Variants in FAM83B observed in about 807,000 individuals in gnomAD.
The protein encoded by FAM83B is protein FAM83B.
A neutral mutation model predicts 38.8 loss-of-function variants in FAM83B; 26 were observed. That is an observed-to-expected ratio of 0.67 (90% CI 0.49 to 0.93). FAM83B has a LOEUF of 0.93. FAM83B is among the 40% of genes least tolerant of loss of function. The pLI is 0.00. For missense variants in FAM83B, 1,237 were observed against 1,197.3 expected (o/e 1.03, Z -0.49); for synonymous variants, 419 against 423.1 (o/e 0.99, Z 0.12).
chr6:54,854,050 A>C (rs1320468500), intron 1 of FAM83B, among the ~76,000 whole-genome samples: 1 of 152,214 alleles, frequency 6.6e-6, no homozygotes, highest in Admixed American at 6.5e-5. Flanking sequence ...TATGGTGGAA[A>C]TAGCAAGGGA....
chr6:54,875,369 G>T lies in FAM83B; in HGVS notation c.444+4679G>T, dbSNP rs565373747. 2.0e-5 allele frequency among the ~76,000 whole-genome samples: 3 copies of T among 152,186 alleles called. No homozygotes were observed. In the South Asian group the frequency reaches 6.2e-4, roughly 32 times the overall value. ...TCTGTGCCTTCATTAGACTAGAATG[G>T]TCTCTGTCCTGATGTTCCTAATTTT... On this transcript the variant is annotated intron_variant, in intron 2 of 4. Transcript: ENST00000306858.
chr6:54,890,610 A>G (rs755204539), intron 2 of FAM83B, among the ~76,000 whole-genome samples: 5 of 152,006 alleles, frequency 3.3e-5, no homozygotes, highest in Non-Finnish European at 5.9e-5. Flanking sequence ...ACACATGTGA[A>G]ATATCTCAAC....
At chr6:54,898,366 A>T (rs1296205686) in intron 2 of FAM83B, among the ~76,000 whole-genome samples, 1 of 152,178 alleles carries the variant, frequency 6.6e-6, no homozygotes, top group Non-Finnish European at 1.5e-5. Flanking sequence ...AGTGTGAAGC[A>T]GGGTTGGGTC....
intron 1 of FAM83B, among the ~76,000 whole-genome samples, chr6:54,861,714 A>G (rs1771587761): frequency 6.6e-6 from 1 of 152,174 alleles, no homozygotes; most frequent in African/African-American, 2.4e-5. Context: ...GTTTCCAGAC[A>G]GAAAGGTCCA....
chr6:54,847,182 C>T (rs1427313107), intron 1 of FAM83B, among the ~76,000 whole-genome samples: 1 of 150,906 alleles, frequency 6.6e-6, no homozygotes, highest in African/African-American at 2.5e-5. Context: ...TGTAGGAGTG[C>T]GCCGAGGACC....
At chr6:54,868,673 C>T (rs577258921) in intron 1 of FAM83B, among the ~76,000 whole-genome samples, 12 of 152,096 alleles carry the variant, frequency 7.9e-5, no homozygotes, top group Non-Finnish European at 1.3e-4. Context: ...CAGATGCTGC[C>T]ATCCCCAAAG....
At chr6:54,889,435 A>G (rs889800392) in intron 2 of FAM83B, among the ~76,000 whole-genome samples, 1 of 152,080 alleles carries the variant, frequency 6.6e-6, no homozygotes, top group Admixed American at 6.6e-5. Flanking sequence ...CCTGTGTTTA[A>G]AATAACACTA....
intron 1 of FAM83B, among the ~76,000 whole-genome samples, chr6:54,869,810 T>C (rs572208658): frequency 1.3e-5 from 2 of 152,336 alleles, no homozygotes; most frequent in Admixed American, 6.5e-5. Flanking sequence ...CTCAACTAAT[T>C]AATAAATTCC....
intron 2 of FAM83B, among the ~76,000 whole-genome samples, chr6:54,910,937 A>C (rs952641637): frequency 2.0e-5 from 3 of 152,184 alleles, no homozygotes; most frequent in African/African-American, 2.4e-5. Context: ...TACTATAATG[A>C]TAAACATGCA....
chr6:54,873,023 T>A (rs10948867), intron 2 of FAM83B, among the ~76,000 whole-genome samples: 62,882 of 150,294 alleles, frequency 0.42, 14,200 homozygotes, highest in Non-Finnish European at 0.51. Context: ...TATTTTATTT[T>A]TTTTATTTTT....
In FAM83B at chr6:54,916,124, C is replaced by A. The variant is rs574072122; in HGVS notation, c.445-10247C>A. Among the ~76,000 whole-genome samples the A allele has an allele frequency of 3.3e-5, 5 of 152,254 alleles. No individual in the cohort carries two copies. The East Asian group carries it at 9.7e-4, about 29-fold the overall frequency. On this transcript the variant is annotated intron_variant, in intron 2 of 4. Coordinates refer to ENST00000306858, the MANE Select transcript of FAM83B (RefSeq NM_001010872.3). ...TAGTGCTGCTTTGCCGCTGAACCTTCCTAAAGCTTCTGCTCCTATTCCCCA... is the reference window on the plus strand; with the variant it reads ...TAGTGCTGCTTTGCCGCTGAACCTTACTAAAGCTTCTGCTCCTATTCCCCA...
intron 2 of FAM83B, among the ~76,000 whole-genome samples, chr6:54,917,747 T>G (rs1297663004): frequency 6.6e-6 from 1 of 152,152 alleles, no homozygotes; most frequent in Admixed American, 6.6e-5. Context: ...ATTGAAAAAT[T>G]AATAGTAAGC....
At position 54,870,274 on chromosome 6, in the gene FAM83B, T is replaced by A. The variant is rs775004920; in HGVS notation, c.28T>A (p.Leu10Met). 7 of 1,613,646 alleles carry A rather than the reference T, an allele frequency of 4.3e-6. No individual in the cohort carries two copies. The highest frequency in any genetic ancestry group is 4.2e-6 in the Non-Finnish European group (5 of 1,179,794). The change falls in exon 2 of 5, where the codon TTG becomes ATG. Residue 10 changes from leucine to methionine, a missense_variant. Transcript: ENST00000306858. Reference protein sequence around the residue: METSSMLSSLNDECKSDNYI... With the variant: METSSMLSSMNDECKSDNYI... ...GGAGACCTCATCAATGCTTTCCTCA[T>A]TGAATGATGAGTGTAAATCTGACAA...
intron 2 of FAM83B, among the ~76,000 whole-genome samples, chr6:54,897,730 G>T (rs1772572048): frequency 6.6e-6 from 1 of 152,080 alleles, no homozygotes; most frequent in African/African-American, 2.4e-5. Context: ...AGAAGAAAAA[G>T]AATGAAATAA....
At chr6:54,894,513 A>T (rs1772474087) in intron 2 of FAM83B, among the ~76,000 whole-genome samples, 1 of 152,182 alleles carries the variant, frequency 6.6e-6, no homozygotes, top group African/African-American at 2.4e-5. Context: ...AAATAAGTCT[A>T]GTTTATGCAG....
In FAM83B at chr6:54,941,135, G is replaced by A. The variant is rs148255109; in HGVS notation, c.2164G>A (p.Glu722Lys). The A allele has an allele frequency of 7.4e-6, 12 of 1,613,846 alleles. No homozygotes were observed. The African/African-American group carries it at 1.6e-4, about 22-fold the overall frequency. ...NVTHNLEEDE[E>K]EVTKRNSPSG... The stretch of plus-strand genomic sequence containing the variant: ...GACTCATAACTTGGAGGAGGATGAG[G>A]AGGAAGTTACCAAGAGAAACTCTCC... The change falls in exon 5 of 5, where the codon GAG (glutamate) becomes AAG (lysine). Residue 722 changes from glutamate (E) to lysine (K), a missense_variant. By Grantham distance (56) the Glu-to-Lys change is moderately conservative. Coordinates refer to ENST00000306858, the MANE Select transcript of FAM83B (RefSeq NM_001010872.3).
intron 2 of FAM83B, among the ~76,000 whole-genome samples, chr6:54,902,270 T>C (rs980977625): frequency 6.6e-6 from 1 of 152,078 alleles, no homozygotes; most frequent in Non-Finnish European, 1.5e-5. Context: ...GGATTATATT[T>C]CTCAAGCTCC....
chr6:54,903,982 G>GA (rs1220232357), intron 2 of FAM83B, among the ~76,000 whole-genome samples: 1 of 151,534 alleles, frequency 6.6e-6, no homozygotes, highest in Non-Finnish European at 1.5e-5. Flanking sequence ...ATGGCTGGGA[G>GA]AAACCTCTTT....
intron 2 of FAM83B, among the ~76,000 whole-genome samples, chr6:54,913,902 T>TAA (rs1297178721): frequency 1.7e-4 from 25 of 150,406 alleles, no homozygotes; most frequent in Admixed American, 1.1e-3. Context: ...TCTTTTTTTT[T>TAA]TAAAAAAAAG....
Sources: gnomAD v4.1 joint callset for allele counts (sites outside exome capture counted in the v4.1 genomes callset) on GRCh38, gnomAD v4.1.1 for gene constraint, MANE v1.5 for transcripts, NCBI Gene and HGNC (gene_info 2026-07-23, HGNC 2026-07-21) for gene names.